The following ENTPD6 variants were observed in gnomAD, a reference collection of about 807,000 sequenced individuals.
ENTPD6 encodes CD39 antigen-like 2.
In ENTPD6, 46 loss-of-function variants were observed where a neutral mutation model predicts 61.5. The observed-to-expected ratio is 0.75, with a 90% CI of 0.59 to 0.96. The LOEUF is 0.96. Ranked by LOEUF, ENTPD6 falls within the 40% of genes least tolerant of loss-of-function variation. The pLI is 0.00. For missense variants in ENTPD6, 612 were observed against 629.0 expected (o/e 0.97, Z 0.29); for synonymous variants, 252 against 255.5 (o/e 0.99, Z 0.13).
rs1361632391 is a variant in ENTPD6, at chr20:25,226,717, TCTC to T, written c.*1123_*1125del. ...TCCCAATAAAAGGTTGACAGGGGCTTCTCCTTCTCTGGGATTCCTCTCGTTGAG... is the reference window on the plus strand; with the variant it reads ...TCCCAATAAAAGGTTGACAGGGGCTTCTTCTCTGGGATTCCTCTCGTTGAG... On this transcript the variant is annotated 3_prime_UTR_variant, in exon 15 of 15. Coordinates refer to ENST00000376652, the MANE Select transcript of ENTPD6 (RefSeq NM_001247.5). 2 of 152,316 alleles carry T rather than the reference TCTC, an allele frequency of 1.3e-5. No individual in the cohort carries two copies. Among genetic ancestry groups the T allele is most frequent in the Non-Finnish European group, 2.9e-5 (2 of 68,088 alleles). 9.4% of individuals were successfully genotyped at this position (152,316 alleles called of 1,614,324 possible).
chr20:25,202,185 G>A (rs1311171814), intron 1 of ENTPD6, among the ~76,000 whole-genome samples: 4 of 152,178 alleles, frequency 2.6e-5, no homozygotes, highest in Non-Finnish European at 5.9e-5. Context: ...TCTTCATGTT[G>A]AGTAAGCTAA....
At chr20:25,214,989 T>C (rs760373050) in intron 6 of ENTPD6, 47 bp downstream of exon 6, 11 of 1,303,050 alleles carry the variant, frequency 8.4e-6, no homozygotes, top group Non-Finnish European at 1.2e-5. Flanking sequence ...TGCAGTGAGG[T>C]GGGTGGGAGC....
At chr20:25,197,364 CCT>C (rs370511314) in intron 1 of ENTPD6, 90 of 452,146 alleles carry the variant, frequency 2.0e-4, no homozygotes, top group African/African-American at 1.8e-3. Flanking sequence ...AGGAGCCACA[CCT>C]CTCTGTTTGC....
At chr20:25,206,936 CAAAT>C (rs2091547535) in intron 2 of ENTPD6, 136 bp from the exon 3 acceptor site, 1 of 754,780 alleles carries the variant, frequency 1.3e-6, no homozygotes, top group Non-Finnish European at 2.1e-6. Context: ...TTATGAGGCT[CAAAT>C]GAAGCTTCTG....
At chr20:25,212,245 T>G (rs1017640116) in intron 4 of ENTPD6, among the ~76,000 whole-genome samples, 1 of 152,214 alleles carries the variant, frequency 6.6e-6, no homozygotes, top group African/African-American at 2.4e-5. Context: ...GGGTTCTGGA[T>G]CCAGCACTCT....
intron 9 of ENTPD6, 42 bp from the exon 10 acceptor site, chr20:25,218,508 C>A: frequency 6.4e-7 from 1 of 1,569,280 alleles, no homozygotes; most frequent in Non-Finnish European, 8.6e-7. Context: ...ATGACCTGTA[C>A]CTGCCATGGC....
chr20:25,204,966 G>A (rs1041687376), intron 1 of ENTPD6, among the ~76,000 whole-genome samples: 1 of 152,130 alleles, frequency 6.6e-6, no homozygotes, highest in East Asian at 1.9e-4. Context: ...GTTTCTCTGT[G>A]GGGGAACAAG....
In ENTPD6 at chr20:25,225,484, C is replaced by G; in HGVS notation, c.1357-15C>G. The G allele has an allele frequency of 1.2e-6, 2 of 1,612,168 alleles. No individual in the cohort carries two copies. Among genetic ancestry groups the G allele is most frequent in the South Asian group, 2.2e-5 (2 of 90,764 alleles). ...GTCTGTGTGATGGTCCCCTCTCCCT[C>G]TCTGTCTTTTCAAGCTCACTCGGAA... On this transcript the variant is annotated splice_polypyrimidine_tract_variant and intron_variant, in intron 14 of 14. Transcript: ENST00000376652.
chr20:25,198,412 T>A (rs2090715331), intron 1 of ENTPD6, among the ~76,000 whole-genome samples: 1 of 152,006 alleles, frequency 6.6e-6, no homozygotes, highest in African/African-American at 2.4e-5. Context: ...GAGGCAGAGG[T>A]TGCAGTAAGC....
chr20:25,205,091 C>T (rs2091353331), intron 1 of ENTPD6, among the ~76,000 whole-genome samples: 1 of 152,046 alleles, frequency 6.6e-6, no homozygotes, highest in Admixed American at 6.6e-5. Flanking sequence ...GGTAGAGGAG[C>T]AGCCTCTTCC....
intron 1 of ENTPD6, among the ~76,000 whole-genome samples, chr20:25,196,590 G>A (rs1192960172): frequency 6.6e-6 from 1 of 152,182 alleles, no homozygotes; most frequent in East Asian, 1.9e-4. Context: ...GCAGCTCTGG[G>A]TGTCCCTCCA....
In ENTPD6 at chr20:25,222,845, C is replaced by A. The variant is rs2092683984; in HGVS notation, c.1053C>A (p.Ser351Arg). 1.2e-6 allele frequency: 2 copies of A among 1,613,668 alleles called. No individual in the cohort carries two copies. Among genetic ancestry groups the A allele is most frequent in the Non-Finnish European group, 8.5e-7 (1 of 1,179,948 alleles). The change falls in exon 12 of 15, where the codon AGC (serine) becomes AGA (arginine). Residue 351 changes from serine (S) to arginine (R), a missense_variant. Ser to Arg is a moderately radical substitution (Grantham distance 110). Transcript: ENST00000376652. The part of the protein sequence containing the change: ...YRVSGQKAAA[S>R]LHELCAARVS... ...CCTTGTGCTTGTCCCCAGCGGCAAG[C>A]CTGCACGAGCTGTGTGCTGCCAGAG...
chr20:25,213,345 T>C lies in ENTPD6; in HGVS notation c.536T>C (p.Leu179Pro). 6.2e-7 allele frequency: 1 copy of C among 1,614,216 alleles called. No individual in the cohort carries two copies. Among genetic ancestry groups the C allele is most frequent in the Non-Finnish European group, 8.5e-7 (1 of 1,180,034 alleles). Reference sequence around the variant, plus strand: ...TTCTGGAAGGCCACCCCTCTGGTCCTCAAGGCCACAGCTGGCTTACGCCTG... The same window carrying C: ...TTCTGGAAGGCCACCCCTCTGGTCCCCAAGGCCACAGCTGGCTTACGCCTG... ...FDFWKATPLV[L>P]KATAGLRLLP... is the part of the protein sequence containing the mutation. Residue 179 changes from leucine (L) to proline (P), a missense_variant, in exon 5 of 15, where the codon CTC (leucine) becomes CCC (proline). Transcript: ENST00000376652.
At position 25,225,221 on chromosome 20, in the gene ENTPD6, GAC is replaced by G. The variant is rs1015665989; in HGVS notation, c.1264_1265del (p.Gln422AlafsTer36). 9 of 1,613,118 alleles carry G rather than the reference GAC, an allele frequency of 5.6e-6. No individual in the cohort carries two copies. Among genetic ancestry groups the G allele is most frequent in the African/African-American group, 4.0e-5 (3 of 74,884 alleles). Reference protein sequence around the residue: ...AAKYVCRTLETQPQSSPFSCM... With the variant: ...AAKYVCRTLEXQPQSSPFSCM... ...CATCCCCAGTGTGTCGGACCCTGGA[GAC>G]ACAGCCGCAGAGCAGCCCCTTCTCA... On this transcript the variant is annotated frameshift_variant, in exon 14 of 15. Coordinates refer to ENST00000376652, the MANE Select transcript of ENTPD6 (RefSeq NM_001247.5). LOFTEE classifies it high-confidence loss of function.
chr20:25,218,198 G>A (rs550512287), intron 9 of ENTPD6, among the ~76,000 whole-genome samples: 2 of 152,358 alleles, frequency 1.3e-5, no homozygotes, highest in Admixed American at 1.3e-4. Context: ...AGAAGTGGGA[G>A]GGACCATGGG....
intron 1 of ENTPD6, among the ~76,000 whole-genome samples, chr20:25,200,091 G>A (rs1474221551): frequency 6.6e-6 from 1 of 152,172 alleles, no homozygotes; most frequent in African/African-American, 2.4e-5. Context: ...TTTCCCACCA[G>A]CAGCGCACAA....
At position 25,221,420 on chromosome 20, in the gene ENTPD6, G is replaced by A. The variant is rs565089588; in HGVS notation, c.1045+87G>A. 538 of 1,000,814 alleles carry A rather than the reference G, an allele frequency of 5.4e-4. 4 individuals are homozygous for A. In the South Asian group the frequency reaches 6.7e-3, roughly 13 times the overall value. 62.0% of individuals were successfully genotyped at this position (1,000,814 alleles called of 1,614,324 possible). A position where few individuals can be genotyped will look rare whatever the true frequency, so the allele number is the denominator to read the frequency against. ...TTGCCTTTCCCACATCCCATGGGAC[G>A]TTCCACGGGAGGCTCCTGACCTCTC... On this transcript the variant is annotated intron_variant, in intron 11 of 14. Coordinates refer to ENST00000376652, the MANE Select transcript of ENTPD6 (RefSeq NM_001247.5).
intron 3 of ENTPD6, among the ~76,000 whole-genome samples, chr20:25,209,398 C>T (rs1231888046): frequency 6.6e-6 from 1 of 151,770 alleles, no homozygotes; most frequent in Non-Finnish European, 1.5e-5. Flanking sequence ...GCGTGAGCCA[C>T]CGTGCCTGGC....
At chr20:25,222,548 A>T (rs2092671768) in intron 11 of ENTPD6, 1 of 355,198 alleles carries the variant, frequency 2.8e-6, no homozygotes, top group Non-Finnish European at 5.2e-6. Context: ...GCCAGAGGCC[A>T]CTGGTGTCAG....
Sources: allele counts gnomAD v4.1 joint callset (sites outside exome capture counted in the v4.1 genomes callset), GRCh38; gene constraint gnomAD v4.1.1; transcripts MANE v1.5; gene names NCBI Gene and HGNC (gene_info 2026-07-23, HGNC 2026-07-21).